The following CAMK2B variants were observed in gnomAD, a reference collection of about 807,000 sequenced individuals.
CAMK2B encodes the protein calcium/calmodulin-dependent protein kinase type II subunit beta.
A neutral mutation model predicts 93.7 loss-of-function variants in CAMK2B; 27 were observed. The ratio of observed to expected loss-of-function variants is 0.29; its 90% confidence interval spans 0.21 to 0.40. CAMK2B has a LOEUF of 0.40. CAMK2B is among the 10% of genes least tolerant of loss of function. The pLI is 1.00. For synonymous variants in CAMK2B, 374 were observed against 358.8 expected (o/e 1.04, Z -0.48); for missense variants, 568 against 895.8 (o/e 0.63, Z 4.67).
intron 21 of CAMK2B, 45 bp from the exon 22 acceptor site, chr7:44,220,755 C>T: frequency 6.3e-7 from 1 of 1,574,952 alleles, no homozygotes; most frequent in East Asian, 2.3e-5. Context: ...GGACCCCTGA[C>T]TCTGAGCAGG....
chr7:44,267,828 C>T (rs184517972), intron 2 of CAMK2B, among the ~76,000 whole-genome samples: 1 of 152,196 alleles, frequency 6.6e-6, no homozygotes, highest in Admixed American at 6.5e-5. Flanking sequence ...CAGGCTAAAC[C>T]GGAGCCTGCA....
chr7:44,276,082 C>A (rs930637500), intron 2 of CAMK2B, among the ~76,000 whole-genome samples: 1 of 151,262 alleles, frequency 6.6e-6, no homozygotes, highest in Non-Finnish European at 1.5e-5. Flanking sequence ...CAGAGGAGGT[C>A]TCCCAGCAGG....
intron 13 of CAMK2B, among the ~76,000 whole-genome samples, chr7:44,237,136 C>A (rs1408854008): frequency 2.0e-5 from 3 of 152,248 alleles, no homozygotes; most frequent in Non-Finnish European, 2.9e-5. Flanking sequence ...CCCTAGGCAG[C>A]AGCAGAACTG....
At chr7:44,244,006 G>C (rs2096707140) in intron 6 of CAMK2B, among the ~76,000 whole-genome samples, 1 of 152,128 alleles carries the variant, frequency 6.6e-6, no homozygotes, top group Non-Finnish European at 1.5e-5. Context: ...TCAGAGACCT[G>C]GGATGTTGGG....
rs190996520 is a variant in CAMK2B, at chr7:44,243,604, C to T, written c.415-77G>A. ...TTATGTGGGGTTGGGTGGGGGGTTA[C>T]AAAACAGAGAAAACAGTGGTTTGCA... On this transcript the variant is annotated intron_variant, in intron 6 of 23. Coordinates refer to ENST00000395749, the MANE Select transcript of CAMK2B (RefSeq NM_001220.5). 3,575 of 1,167,414 alleles carry T rather than the reference C, an allele frequency of 3.1e-3. 10 individuals are homozygous for T. Among genetic ancestry groups the T allele is most frequent in the Non-Finnish European group, 4.1e-3 (3,235 of 792,800 alleles). 72.3% of individuals were successfully genotyped at this position (1,167,414 alleles called of 1,614,324 possible). A position where few individuals can be genotyped will look rare whatever the true frequency, so the allele number is the denominator to read the frequency against.
At chr7:44,293,880 T>C (rs1405799053) in intron 1 of CAMK2B, among the ~76,000 whole-genome samples, 1 of 152,170 alleles carries the variant, frequency 6.6e-6, no homozygotes, top group African/African-American at 2.4e-5. Context: ...TTTTGACATG[T>C]TTCTGTGACA....
chr7:44,324,378 C>G (rs143929704), intron 1 of CAMK2B, among the ~76,000 whole-genome samples: 1 of 151,036 alleles, frequency 6.6e-6, no homozygotes, highest in South Asian at 2.1e-4. Context: ...GAAGCTAGCC[C>G]TAGGGATGCC....
Position 44,231,035 on chromosome 7 carries a change from T to C in CAMK2B, c.1196A>G (p.Asn399Ser), listed in dbSNP as rs2096574291. 6.4e-7 allele frequency: 1 copy of C among 1,555,194 alleles called. No homozygotes were observed. The highest frequency in any genetic ancestry group is 1.2e-5 in the South Asian group (1 of 84,192). Reference sequence around the variant, plus strand: ...AGCGTCTTCATCCTCTATGGTGGTATTGGCACTGTCAGAAGACTCCTGAGG... The same window carrying C: ...AGCGTCTTCATCCTCTATGGTGGTACTGGCACTGTCAGAAGACTCCTGAGG... ...DGIKESSDSA[N>S]TTIEDEDAKA... Residue 399 changes from asparagine to serine, a missense_variant, in exon 17 of 24, where the codon AAT (asparagine) becomes AGT (serine). This residue lies in a region of CAMK2B where 308 missense variants were observed against 292.1 expected (regional missense o/e 1.05). Transcript: ENST00000395749.
intron 5 of CAMK2B, among the ~76,000 whole-genome samples, chr7:44,250,780 G>A (rs1032946572): frequency 3.3e-5 from 5 of 152,126 alleles, no homozygotes; most frequent in East Asian, 1.9e-4. Flanking sequence ...CGCCCGCCTC[G>A]GCCTCCCAGA....
At chr7:44,285,220 G>T (rs1784727835) in intron 1 of CAMK2B, among the ~76,000 whole-genome samples, 1 of 152,246 alleles carries the variant, frequency 6.6e-6, no homozygotes, top group Admixed American at 6.5e-5. Flanking sequence ...GATTTAATTT[G>T]ATTTCAGATC....
At chr7:44,320,954 C>T (rs1481893487) in intron 1 of CAMK2B, among the ~76,000 whole-genome samples, 1 of 152,106 alleles carries the variant, frequency 6.6e-6, no homozygotes, top group East Asian at 1.9e-4. Context: ...GGGGGAGGGG[C>T]AGGGAGCAGT....
intron 6 of CAMK2B, among the ~76,000 whole-genome samples, chr7:44,245,753 T>C (rs577527365): frequency 7.9e-5 from 12 of 152,138 alleles, no homozygotes; most frequent in African/African-American, 2.9e-4. Flanking sequence ...CTGCTCTTGG[T>C]GTGACACTCT....
intron 5 of CAMK2B, among the ~76,000 whole-genome samples, chr7:44,251,809 C>T (rs1285673853): frequency 6.6e-6 from 1 of 152,178 alleles, no homozygotes; most frequent in Non-Finnish European, 1.5e-5. Context: ...GGGTCAGAGC[C>T]GGGAACACTA....
At chr7:44,255,382 G>A (rs1419357993) in intron 4 of CAMK2B, among the ~76,000 whole-genome samples, 1 of 152,178 alleles carries the variant, frequency 6.6e-6, no homozygotes, top group African/African-American at 2.4e-5. Context: ...CTGGATGCAC[G>A]GCAGGGGAGT....
chr7:44,252,789 C>T (rs752973668), intron 5 of CAMK2B, among the ~76,000 whole-genome samples: 6 of 152,202 alleles, frequency 3.9e-5, no homozygotes, highest in Non-Finnish European at 5.9e-5. Context: ...CATATCTCAC[C>T]CCAGAAGCTC....
chr7:44,273,085 C>T (rs2096990006), intron 2 of CAMK2B, among the ~76,000 whole-genome samples: 1 of 152,192 alleles, frequency 6.6e-6, no homozygotes, highest in South Asian at 2.1e-4. Flanking sequence ...AAGTACCCAC[C>T]CAGGCAAGCG....
Position 44,234,686 on chromosome 7 carries a change from GGGGA to G in CAMK2B, c.1022-14_1022-11del, listed in dbSNP as rs770195407. On this transcript the variant is annotated splice_polypyrimidine_tract_variant and intron_variant, in intron 13 of 23. Transcript: ENST00000395749. Reference sequence around the variant, plus strand: ...TTGAGTAAACTCTTGGCTGCTGCATGGGGAGGAAGAAGGTATGGTGAGTGATGGG... The same window carrying G: ...TTGAGTAAACTCTTGGCTGCTGCATGGGAAGAAGGTATGGTGAGTGATGGG... 6.2e-7 allele frequency: 1 copy of G among 1,613,946 alleles called. No homozygotes were observed. Among genetic ancestry groups the G allele is most frequent in the Non-Finnish European group, 8.5e-7 (1 of 1,179,860 alleles).
chr7:44,247,615 C>T (rs925840619), intron 5 of CAMK2B, among the ~76,000 whole-genome samples: 2 of 149,250 alleles, frequency 1.3e-5, no homozygotes, highest in Non-Finnish European at 3.0e-5. Flanking sequence ...AGGGTCAAGG[C>T]GGCTGGGGGT....
At chr7:44,272,189 G>A (rs1242399634) in intron 2 of CAMK2B, among the ~76,000 whole-genome samples, 2 of 152,174 alleles carry the variant, frequency 1.3e-5, no homozygotes, top group African/African-American at 4.8e-5. Flanking sequence ...AATTGGGGGG[G>A]TGGGCAGCGA....
Sources: allele counts gnomAD v4.1 joint callset (sites outside exome capture counted in the v4.1 genomes callset), GRCh38; gene constraint gnomAD v4.1.1; regional missense constraint gnomAD v4.1.1; transcripts MANE v1.5; gene names NCBI Gene and HGNC (gene_info 2026-07-23, HGNC 2026-07-21).